The following ESRRG variants were observed in gnomAD, a reference collection of about 807,000 sequenced individuals.
ESRRG encodes estrogen related receptor gamma.
In ESRRG, 13 loss-of-function variants were observed where a neutral mutation model predicts 44.0. The ratio of observed to expected loss-of-function variants is 0.30; its 90% CI spans 0.19 to 0.47. The LOEUF is 0.47. Ranked by LOEUF, ESRRG falls within the 20% of genes least tolerant of loss-of-function variation. ESRRG has a pLI of 1.00. For missense variants in ESRRG, 395 were observed against 580.6 expected (o/e 0.68, Z 3.29); for synonymous variants, 215 against 214.6 (o/e 1.00, Z -0.02).
intron 2 of ESRRG, among the ~76,000 whole-genome samples, chr1:216,811,541 T>C (rs7512735): frequency 0.032 from 4,941 of 152,264 alleles, 106 homozygotes; most frequent in East Asian, 0.059. Context: ...AGAAGACGGA[T>C]GACAATCAGT....
chr1:216,540,781 T>C (rs2052459451), intron 5 of ESRRG, among the ~76,000 whole-genome samples: 1 of 152,182 alleles, frequency 6.6e-6, no homozygotes, highest in African/African-American at 2.4e-5. Context: ...CTTTCTTTAT[T>C]GTGGTGCTTT....
Position 216,729,123 on chromosome 1 carries a change from A to C in ESRRG, c.-13-51632T>G, listed in dbSNP as rs2088177554. 2.0e-5 allele frequency among the ~76,000 whole-genome samples: 3 copies of C among 152,198 alleles called. No homozygotes were observed. The South Asian group carries it at 6.2e-4, about 31-fold the overall frequency. On this transcript the variant is annotated intron_variant, in intron 2 of 7. Transcript: ENST00000359162. ...CAGTTTCCTCAGCTACCAAATGGGAATAACAATAACAATCTTATAGAATTC... is the reference window on the plus strand; with the variant it reads ...CAGTTTCCTCAGCTACCAAATGGGACTAACAATAACAATCTTATAGAATTC...
At chr1:217,075,255 C>A (rs1429545994) in intron 1 of ESRRG, among the ~76,000 whole-genome samples, 3 of 152,218 alleles carry the variant, frequency 2.0e-5, no homozygotes, top group South Asian at 2.1e-4. Flanking sequence ...AGACACACTG[C>A]TGAATACTTT....
intron 2 of ESRRG, among the ~76,000 whole-genome samples, chr1:216,814,263 G>A (rs1358606218): frequency 2.6e-5 from 4 of 152,088 alleles, no homozygotes; most frequent in Non-Finnish European, 4.4e-5. Flanking sequence ...GCAGACCTGT[G>A]CTTATTTAGT....
At position 216,506,658 on chromosome 1, in the gene ESRRG, A is replaced by G; in HGVS notation, c.*281T>C. 1 of 536,354 alleles carries G rather than the reference A, an allele frequency of 1.9e-6. No individual in the cohort carries two copies. The highest frequency in any genetic ancestry group is 1.6e-5 in the South Asian group (1 of 62,766). 33.2% of individuals were successfully genotyped at this position (536,354 alleles called of 1,614,324 possible). A position where few individuals can be genotyped will look rare whatever the true frequency, so the allele number is the denominator to read the frequency against. On this transcript the variant is annotated 3_prime_UTR_variant, in exon 7 of 7. Transcript: ENST00000408911. ...GAGAATGGGAACTAGGAATGAAAGA[A>G]GCAAAGAAATAAGGGAGGTGAAAGA...
intron 1 of ESRRG, among the ~76,000 whole-genome samples, chr1:217,109,167 C>T (rs2092633275): frequency 6.6e-6 from 1 of 152,046 alleles, no homozygotes; most frequent in African/African-American, 2.4e-5. Flanking sequence ...GTTTTCCCAC[C>T]AAGATGCTCA....
At chr1:216,926,457 T>C (rs558419077) in intron 2 of ESRRG, among the ~76,000 whole-genome samples, 1 of 152,200 alleles carries the variant, frequency 6.6e-6, no homozygotes, top group South Asian at 2.1e-4. Flanking sequence ...CCTGTGACTC[T>C]TACACATGAA....
chr1:217,024,130 G>C (rs924526852), intron 1 of ESRRG, among the ~76,000 whole-genome samples: 2 of 152,146 alleles, frequency 1.3e-5, no homozygotes, highest in African/African-American at 2.4e-5. Context: ...AAGCCCAGGT[G>C]GGCGGATCAC....
chr1:216,842,083 T>C (rs538214764), intron 2 of ESRRG, among the ~76,000 whole-genome samples: 1 of 152,274 alleles, frequency 6.6e-6, no homozygotes, highest in East Asian at 1.9e-4. Flanking sequence ...AAGATAAGCC[T>C]CTTCATTATT....
chr1:216,935,733 C>T (rs1039381755), intron 2 of ESRRG, among the ~76,000 whole-genome samples: 1 of 152,052 alleles, frequency 6.6e-6, no homozygotes, highest in African/African-American at 2.4e-5. Context: ...TCTCCTGCCT[C>T]AGCCTCCCGA....
At chr1:216,719,995 C>T (rs1426045174) in intron 1 of ESRRG, among the ~76,000 whole-genome samples, 1 of 151,874 alleles carries the variant, frequency 6.6e-6, no homozygotes, top group Non-Finnish European at 1.5e-5. Flanking sequence ...ACATAAATAC[C>T]CTGACACAAA....
chr1:217,085,176 A>C (rs2092002728), intron 1 of ESRRG, among the ~76,000 whole-genome samples: 1 of 152,076 alleles, frequency 6.6e-6, no homozygotes, highest in African/African-American at 2.4e-5. Context: ...GAGAGACATA[A>C]AGAGTTGCAA....
intron 2 of ESRRG, among the ~76,000 whole-genome samples, chr1:216,772,162 C>A (rs576215359): frequency 6.6e-6 from 1 of 152,220 alleles, no homozygotes; most frequent in South Asian, 2.1e-4. Context: ...CATCTAAATG[C>A]ATTCACATTC....
intron 2 of ESRRG, among the ~76,000 whole-genome samples, chr1:216,861,113 G>A (rs184927172): frequency 1.5e-3 from 226 of 151,800 alleles, no homozygotes; most frequent in African/African-American, 4.2e-3. Flanking sequence ...TAAGCCAACC[G>A]AGGTCATAAA....
chr1:217,136,341 G>A (rs1316056456), intron 1 of ESRRG, among the ~76,000 whole-genome samples: 2 of 152,220 alleles, frequency 1.3e-5, no homozygotes, highest in Non-Finnish European at 2.9e-5. Flanking sequence ...AGGTGAGTGC[G>A]GAAGGCACAA....
In ESRRG at chr1:216,620,770, T is replaced by TA. The variant is rs1421185710; in HGVS notation, c.589+30202dup. On this transcript the variant is annotated intron_variant, in intron 3 of 6. Transcript: ENST00000408911. ...AAGGTGCATTGCTGATAGGTGGCAATATACCCTTATCCACTGTCCTTTGAA... is the reference window on the plus strand; with the variant it reads ...AAGGTGCATTGCTGATAGGTGGCAATAATACCCTTATCCACTGTCCTTTGAA... Among the ~76,000 whole-genome samples, 12 of 152,330 alleles carry TA rather than the reference T, an allele frequency of 7.9e-5. No homozygotes were observed. The East Asian group carries it at 2.3e-3, about 29-fold the overall frequency.
chr1:216,562,194 G>C (rs72735199), intron 5 of ESRRG, among the ~76,000 whole-genome samples: 1 of 151,992 alleles, frequency 6.6e-6, no homozygotes, highest in Non-Finnish European at 1.5e-5. Flanking sequence ...GGGACAACTT[G>C]AGCAGAACTC....
In ESRRG at chr1:216,715,064, A is replaced by G. The variant is rs186404179; in HGVS notation, c.56+8180T>C. On this transcript the variant is annotated intron_variant, in intron 1 of 6. Coordinates refer to ENST00000408911, the MANE Select transcript of ESRRG (RefSeq NM_001438.4). Reference sequence around the variant, plus strand: ...CGAGAGAACAGAAAAAGGCGGCCACATGCTCCCACCTGAGCCCAACTCCTG... The same window carrying G: ...CGAGAGAACAGAAAAAGGCGGCCACGTGCTCCCACCTGAGCCCAACTCCTG... 360 of 985,350 alleles carry G rather than the reference A, an allele frequency of 3.7e-4. 1 individual carries two copies. The South Asian group carries it at 7.0e-3, about 19-fold the overall frequency. The allele number at this position is 985,350 out of a possible 1,614,324, so 61.0% of individuals were successfully genotyped here. A position where few individuals can be genotyped will look rare whatever the true frequency, so the allele number is the denominator to read the frequency against.
At chr1:216,614,574 CA>C in intron 3 of ESRRG, among the ~76,000 whole-genome samples, 1 of 152,290 alleles carries the variant, frequency 6.6e-6, no homozygotes, top group African/African-American at 2.4e-5. Context: ...ACACTTAAAG[CA>C]CTACTATTTG....
Sources: allele counts gnomAD v4.1 joint callset (sites outside exome capture counted in the v4.1 genomes callset), GRCh38; gene constraint gnomAD v4.1.1; transcripts MANE v1.5; gene names NCBI Gene and HGNC (gene_info 2026-07-23, HGNC 2026-07-21).